CPNE6: variants seen among roughly 807,000 people sequenced by gnomAD.
CPNE6 encodes the protein copine 6.
A neutral mutation model predicts 71.5 loss-of-function variants in CPNE6; 33 were observed. The observed-to-expected ratio is 0.46, with a 90% CI of 0.35 to 0.62. CPNE6 has a LOEUF of 0.62. CPNE6 is among the 20% of genes least tolerant of loss of function. The pLI is 0.00. For missense variants in CPNE6, 576 were observed against 747.3 expected, an observed-to-expected ratio of 0.77 and a Z score of 2.67; for synonymous variants, 296 against 293.0, an observed-to-expected ratio of 1.01 and a Z score of -0.10.
At chr14:24,076,582 C>T (rs1011966470) in intron 14 of CPNE6, 25 bp downstream of exon 13, 1 of 1,613,712 alleles carries the variant, frequency 6.2e-7, no homozygotes, top group Admixed American at 1.7e-5. Context: ...TTTCACCTGC[C>T]CCGCCTCCCC....
rs752899705 is a variant in CPNE6, at chr14:24,077,692, C to T, written c.1636C>T (p.Pro546Ser). The change falls in exon 17 of 18, where the codon CCC becomes TCC. Residue 546 changes from proline to serine, a missense_variant. Transcript: ENST00000397016. This position sits in a 1 kb window ranked among gnomAD's most constrained non-coding sequence, Gnocchi z 6.1. ...GGGCATCAGCCCTGGGGCTCCCAGG[C>T]CCTGCACACTGGCTACGACTCCCAG... is the stretch of plus-strand genomic sequence containing the variant. 91 of 1,565,458 alleles carry T rather than the reference C, an allele frequency of 5.8e-5. No individual in the cohort carries two copies. The highest frequency in any genetic ancestry group is 7.1e-5 in the Non-Finnish European group (82 of 1,158,176).
exon 12 of CPNE6, chr14:24,076,239 C>A (rs2036057841): frequency 1.2e-6 from 2 of 1,614,242 alleles, no homozygotes; most frequent in East Asian, 4.5e-5. Context: ...CCACTACCTG[C>A]AGGCCCTGCG....
rs1276411160 is a variant in CPNE6, at chr14:24,077,648, T to C, written c.1592T>C (p.Val531Ala). 3 of 1,598,450 alleles carry C rather than the reference T, an allele frequency of 1.9e-6. No homozygotes were observed. The highest frequency in any genetic ancestry group is 2.6e-6 in the Non-Finnish European group (3 of 1,172,092). The change falls in exon 17 of 18, where the codon GTG (valine) becomes GCG (alanine). Residue 531 changes from valine (V) to alanine (A), a missense_variant. Coordinates refer to ENST00000397016, the Ensembl canonical transcript of CPNE6. This position sits in a 1 kb window ranked among gnomAD's most constrained non-coding sequence, Gnocchi z 6.1. ...CTGGCTGAGGTGCCACGGCAGGTGG[T>C]GGAGTACTACGCCAGCCAGGGCATC...
chr14:24,071,215 G>A, intron 1 of CPNE6: 2 of 998,036 alleles, frequency 2.0e-6, no homozygotes, highest in Non-Finnish European at 2.9e-6. Context: ...GCGCCTGTGT[G>A]TGTCAAGATA....
intron 1 of CPNE6, 114 bp from the exon 1 acceptor site, chr14:24,071,448 C>G: frequency 1.3e-6 from 2 of 1,501,502 alleles, no homozygotes; most frequent in Non-Finnish European, 8.9e-7. Flanking sequence ...TGTGGCCCTG[C>G]CCCTTCCCTC....
At chr14:24,071,834 C>CCAGCCAAGACCCTCCCT (rs2035913019) in intron 2 of CPNE6, 193 bp downstream of exon 1, 2 of 550,154 alleles carry the variant, frequency 3.6e-6, no homozygotes. Flanking sequence ...CCCCCCTCCC[C>CCAGCCAAGACCCTCCCT]CAGCCCAGAC....
At position 24,076,301 on chromosome 14, in the gene CPNE6, G is replaced by A; in HGVS notation, c.1058+19G>A. ...ATGACAGGTAGGAGAGAGTGGGGCG[G>A]GAGGGAACAGGCAGGGAGGCCTTGC... On this transcript the variant is annotated intron_variant, in intron 12 of 17. Transcript: ENST00000397016. 6.2e-7 allele frequency: 1 copy of A among 1,614,224 alleles called. No individual in the cohort carries two copies. The highest frequency in any genetic ancestry group is 8.5e-7 in the Non-Finnish European group (1 of 1,180,018).
At position 24,073,280 on chromosome 14, in the gene CPNE6, G is replaced by T. The variant is rs117350094; in HGVS notation, c.168+176G>T. Among the ~76,000 whole-genome samples, 203 of 152,298 alleles carry T rather than the reference G, an allele frequency of 1.3e-3. No homozygotes were observed. Among genetic ancestry groups the T allele is most frequent in the African/African-American group, 4.4e-3 (181 of 41,574 alleles). On this transcript the variant is annotated intron_variant, in intron 3 of 17. Transcript: ENST00000397016. The surrounding 1 kb of genome is among the most constrained non-coding windows in gnomAD (Gnocchi z 5.5). ...AGAGGGTCCTGAGATTGACCCAGAG[G>T]CAGTGGGGTTGCTCCCAAAGGCCTC... is the stretch of plus-strand genomic sequence containing the variant.
At chr14:24,071,771 G>A (rs1399001914) in intron 2 of CPNE6, 130 bp downstream of exon 1, 24 of 560,186 alleles carry the variant, frequency 4.3e-5, no homozygotes, top group Middle Eastern at 4.5e-4. Context: ...ACAAGCCCCT[G>A]CCTATCTCGG....
Position 24,074,113 on chromosome 14 carries a change from G to A in CPNE6, c.411G>A (p.Lys137=), listed in dbSNP as rs142460067. Residue 137 remains lysine (K), a synonymous_variant, in exon 5 of 18, where the codon AAG becomes AAA. Coordinates refer to ENST00000397016, the Ensembl canonical transcript of CPNE6. The surrounding 1 kb of genome is among the most constrained non-coding windows in gnomAD (Gnocchi z 4.5). ...TGAAGAATGGGAAGACTGCGGGCAA[G>A]TCCACCATCACGGTAGGCAAGATCA... The A allele has an allele frequency of 6.2e-7, 1 of 1,614,150 alleles. No homozygotes were observed. Among genetic ancestry groups the A allele is most frequent in the Non-Finnish European group, 8.5e-7 (1 of 1,180,008 alleles).
In CPNE6 at chr14:24,075,142, C is replaced by T; in HGVS notation, c.673-30C>T. On this transcript the variant is annotated intron_variant, in intron 8 of 17. Transcript: ENST00000397016. The surrounding 1 kb of genome is among the most constrained non-coding windows in gnomAD (Gnocchi z 4.3). ...GTGAATACCGCAGAGCATCTCCAAC[C>T]TGACCCCACCCCTCCCCCTGCCTTC... 1 of 1,552,788 alleles carries T rather than the reference C, an allele frequency of 6.4e-7. No homozygotes were observed. The highest frequency in any genetic ancestry group is 2.2e-5 in the East Asian group (1 of 44,596).
chr14:24,075,799 C>T lies in CPNE6; in HGVS notation c.865-28C>T. 1 of 1,610,698 alleles carries T rather than the reference C, an allele frequency of 6.2e-7. No individual in the cohort carries two copies. Among genetic ancestry groups the T allele is most frequent in the Non-Finnish European group, 8.5e-7 (1 of 1,177,024 alleles). On this transcript the variant is annotated intron_variant, in intron 10 of 17. Coordinates refer to ENST00000397016, the Ensembl canonical transcript of CPNE6. This position sits in a 1 kb window ranked among gnomAD's most constrained non-coding sequence, Gnocchi z 4.3. The stretch of plus-strand genomic sequence containing the variant: ...CCTCCTCAAAGGACCACCCCATCCC[C>T]TCGCCTTACCCCTCTCCCTACCTCC...
rs779142814 is a variant in CPNE6, at chr14:24,076,567, G to A, written c.1165+10G>A. 10 of 1,613,954 alleles carry A rather than the reference G, an allele frequency of 6.2e-6. No individual in the cohort carries two copies. The Admixed American group carries it at 6.7e-5, about 11-fold the overall frequency. On this transcript the variant is annotated intron_variant, in intron 14 of 17. Coordinates refer to ENST00000397016, the Ensembl canonical transcript of CPNE6. ...AATCCTGAATGTGAAGGTAAAAGGG[G>A]AGATTTTCACCTGCCCCGCCTCCCC...
chr14:24,078,007 C>A (rs983355128), exon 18 of CPNE6: 2 of 347,832 alleles, frequency 5.7e-6, no homozygotes, highest in African/African-American at 4.2e-5. Flanking sequence ...AACCCCATAC[C>A]CTTCAATGCT....
Position 24,077,401 on chromosome 14 carries a change from C to T in CPNE6, c.1536+11C>T, listed in dbSNP as rs772264501. 39 of 1,611,268 alleles carry T rather than the reference C, an allele frequency of 2.4e-5. No individual in the cohort carries two copies. In the East Asian group the frequency reaches 2.7e-4, roughly 11 times the overall value. The stretch of plus-strand genomic sequence containing the variant: ...CGAGACTTCAAGGATGTGAGTCCCC[C>T]GGGCCCCTTCCGGCTGAAGGACTCC... On this transcript the variant is annotated intron_variant, in intron 16 of 17. Coordinates refer to ENST00000397016, the Ensembl canonical transcript of CPNE6. The surrounding 1 kb of genome is among the most constrained non-coding windows in gnomAD (Gnocchi z 6.1).
chr14:24,071,157 C>A, intron 1 of CPNE6: 3 of 1,100,636 alleles, frequency 2.7e-6, no homozygotes, highest in Non-Finnish European at 3.9e-6. Flanking sequence ...CAATGTGTAT[C>A]CGCCGGGGGC....
Position 24,073,166 on chromosome 14 carries a change from G to GA in CPNE6, c.168+62_168+63insA. On this transcript the variant is annotated intron_variant, in intron 3 of 17. Transcript: ENST00000397016. This position sits in a 1 kb window ranked among gnomAD's most constrained non-coding sequence, Gnocchi z 5.5. ...GTTAAGCTTGGGAAAGAGGGAGGCT[G>GA]GGTGGGAGCAGTGAAAGCCTTGCAG... 7.2e-7 allele frequency: 1 copy of GA among 1,394,776 alleles called. No homozygotes were observed. Among genetic ancestry groups the GA allele is most frequent in the Admixed American group, 3.0e-5 (1 of 33,178 alleles). The allele number at this position is 1,394,776 out of a possible 1,614,324, so 86.4% of individuals were successfully genotyped here. A position where few individuals can be genotyped will look rare whatever the true frequency, so the allele number is the denominator to read the frequency against.
intron 1 of CPNE6, 61 bp from the exon 1 acceptor site, chr14:24,071,501 G>GCGGCCCCCCCCCCCCC: frequency 7.1e-7 from 1 of 1,416,704 alleles, no homozygotes; most frequent in Non-Finnish European, 9.3e-7. Flanking sequence ...CTGGTGCTGC[G>GCGGCCCCCCCCCCCCC]CCCCCCCCCA....
chr14:24,075,716 C>A lies in CPNE6; in HGVS notation c.865-111C>A. On this transcript the variant is annotated intron_variant, in intron 10 of 17. Coordinates refer to ENST00000397016, the Ensembl canonical transcript of CPNE6. This position sits in a 1 kb window ranked among gnomAD's most constrained non-coding sequence, Gnocchi z 4.3. ...TCTGGGAACTGGAAACCACCCCCAA[C>A]TGCAACCCAAAAAACTCTGGCTCCC... 7.3e-7 allele frequency: 1 copy of A among 1,366,392 alleles called. No individual in the cohort carries two copies. The highest frequency in any genetic ancestry group is 1.0e-6 in the Non-Finnish European group (1 of 971,712). The allele number at this position is 1,366,392 out of a possible 1,614,324, so 84.6% of individuals were successfully genotyped here. A position where few individuals can be genotyped will look rare whatever the true frequency, so the allele number is the denominator to read the frequency against.
Sources: allele counts gnomAD v4.1 joint callset (sites outside exome capture counted in the v4.1 genomes callset), GRCh38; gene constraint gnomAD v4.1.1; non-coding constraint Gnocchi (gnomAD v3.1); transcripts MANE v1.5; gene names NCBI Gene and HGNC (gene_info 2026-07-23, HGNC 2026-07-21).